The following ZBTB40 variants were observed in gnomAD, a reference collection of about 807,000 sequenced individuals.
ZBTB40 encodes zinc finger and BTB domain containing 40, also known as zinc finger and BTB domain-containing protein 40.
A neutral mutation model predicts 117.5 loss-of-function variants in ZBTB40; 60 were observed. That is an observed-to-expected ratio of 0.51 (90% CI 0.41 to 0.63). The LOEUF (loss-of-function observed/expected upper bound fraction) is 0.63. ZBTB40 is among the 30% of genes least tolerant of loss of function. The pLI, the probability that ZBTB40 is intolerant of heterozygous loss-of-function variation, is 0.00. For synonymous variants in ZBTB40, 525 were observed against 577.1 expected (o/e 0.91, Z 1.29); for missense variants, 1,287 against 1,498.5 (o/e 0.86, Z 2.33).
At chr1:22,502,719 A>ATGGATGGT (rs1167128380) in intron 5 of ZBTB40, among the ~76,000 whole-genome samples, 3 of 151,914 alleles carry the variant, frequency 2.0e-5, no homozygotes, top group African/African-American at 7.2e-5. Context: ...AGATGGATGG[A>ATGGATGGT]TGGACGGACG....
chr1:22,508,188 G>C, intron 7 of ZBTB40, 51 bp downstream of exon 7: 1 of 1,572,954 alleles, frequency 6.4e-7, no homozygotes, highest in Non-Finnish European at 8.7e-7. Context: ...GAGAAAGAAG[G>C]AAAAAATATG....
At chr1:22,516,265 T>C (rs1175771222) in intron 12 of ZBTB40, among the ~76,000 whole-genome samples, 1 of 152,148 alleles carries the variant, frequency 6.6e-6, no homozygotes, top group East Asian at 1.9e-4. Context: ...TTATGTGAAG[T>C]ATGTTAGTTT....
At chr1:22,434,604 A>C (rs921599928) in intron 1 of ZBTB40, among the ~76,000 whole-genome samples, 1 of 152,206 alleles carries the variant, frequency 6.6e-6, no homozygotes, top group South Asian at 2.1e-4. Flanking sequence ...TCCTAGCATA[A>C]GATGTGAGGT....
rs1437052644 is a variant in ZBTB40, at chr1:22,526,808, C to G, written c.*412C>G. ...GCAGTTAGATATGGGACTTGGCCCA[C>G]AGTGGGGGCTGCAAATGCTGCCACT... On this transcript the variant is annotated 3_prime_UTR_variant, in exon 18 of 18. Coordinates refer to ENST00000375647, the MANE Select transcript of ZBTB40 (RefSeq NM_014870.4). 2 of 290,584 alleles carry G rather than the reference C, an allele frequency of 6.9e-6. No individual in the cohort carries two copies. The highest frequency in any genetic ancestry group is 3.4e-5 in the South Asian group (1 of 29,832). 18.0% of individuals were successfully genotyped at this position (290,584 alleles called of 1,614,324 possible).
At chr1:22,515,555 G>T (rs141875857) in intron 12 of ZBTB40, among the ~76,000 whole-genome samples, 2 of 152,230 alleles carry the variant, frequency 1.3e-5, no homozygotes, top group Non-Finnish European at 2.9e-5. Context: ...GACGTTGCCC[G>T]CATTCCCTGG....
chr1:22,429,448 T>C (rs976309142), intron 1 of ZBTB40, among the ~76,000 whole-genome samples: 2 of 152,180 alleles, frequency 1.3e-5, no homozygotes. Flanking sequence ...ATTTTTTTTT[T>C]CTAATAGTTT....
rs1639754846 is a variant in ZBTB40 at position 22,528,900 on chromosome 1, A to G, written c.*2504A>G. 1 of 152,280 alleles carries G rather than the reference A, an allele frequency of 6.6e-6. No homozygotes were observed. Among genetic ancestry groups the G allele is most frequent in the African/African-American group, 2.4e-5 (1 of 41,400 alleles). 9.4% of individuals were successfully genotyped at this position (152,280 alleles called of 1,614,324 possible). A position where few individuals can be genotyped will look rare whatever the true frequency, so the allele number is the denominator to read the frequency against. On this transcript the variant is annotated 3_prime_UTR_variant, in exon 18 of 18. Transcript: ENST00000375647. ...TTTTCTTCGGAATCACCAGATTTGC[A>G]GCTTACTGTGCCGAGAGTGGACTGG...
chr1:22,473,128 G>A (rs967300179), intron 1 of ZBTB40, among the ~76,000 whole-genome samples: 1 of 152,196 alleles, frequency 6.6e-6, no homozygotes, highest in Non-Finnish European at 1.5e-5. Flanking sequence ...AGGTATTGTT[G>A]TACAGCACTT....
intron 1 of ZBTB40, among the ~76,000 whole-genome samples, chr1:22,437,842 C>T (rs566326823): frequency 2.8e-5 from 4 of 142,014 alleles, no homozygotes; most frequent in South Asian, 2.5e-4. Flanking sequence ...AACCAAAACT[C>T]TGGTCGGGTG....
intron 1 of ZBTB40, among the ~76,000 whole-genome samples, chr1:22,470,096 C>A (rs1641364595): frequency 6.6e-6 from 1 of 152,152 alleles, no homozygotes; most frequent in Non-Finnish European, 1.5e-5. Context: ...TATCTTGGTT[C>A]AAATACTGGC....
chr1:22,433,453 A>AAAAAAAAAAAAAAAAAAAAC (rs1640627399), intron 1 of ZBTB40, among the ~76,000 whole-genome samples: 1 of 142,152 alleles, frequency 7.0e-6, no homozygotes, highest in Non-Finnish European at 1.5e-5. Flanking sequence ...AAAAAAAAAA[A>AAAAAAAAAAAAAAAAAAAAC]AAAAGACAGC....
At position 22,526,233 on chromosome 1, in the gene ZBTB40, CAG is replaced by C; in HGVS notation, c.3560_3561del (p.Glu1187AlafsTer30). 1 of 1,614,204 alleles carries C rather than the reference CAG, an allele frequency of 6.2e-7. No individual in the cohort carries two copies. The highest frequency in any genetic ancestry group is 8.5e-7 in the Non-Finnish European group (1 of 1,180,042). ...CAAACCCCAGAGCCGGTGGCCCCGA[CAG>C]AGCAGGTGATCACTTTGGAGGAGAC... On this transcript the variant is annotated frameshift_variant, in exon 18 of 18. Transcript: ENST00000375647. LOFTEE classifies it high-confidence loss of function.
intron 1 of ZBTB40, among the ~76,000 whole-genome samples, chr1:22,456,686 T>A (rs1487940892): frequency 1.3e-5 from 2 of 152,220 alleles, no homozygotes; most frequent in Non-Finnish European, 2.9e-5. Context: ...TTTTAAGTCT[T>A]TTCAGGCTTT....
At chr1:22,474,595 G>A (rs1641510396) in intron 1 of ZBTB40, among the ~76,000 whole-genome samples, 1 of 152,106 alleles carries the variant, frequency 6.6e-6, no homozygotes, top group Non-Finnish European at 1.5e-5. Context: ...TCTTGTTTCT[G>A]AATGTGTGAT....
At chr1:22,498,662 T>A (rs1638844662) in intron 3 of ZBTB40, among the ~76,000 whole-genome samples, 1 of 152,150 alleles carries the variant, frequency 6.6e-6, no homozygotes. Context: ...GCAGAGAGGA[T>A]AATGAGAAGC....
Position 22,489,955 on chromosome 1 carries a change from C to T in ZBTB40, c.7C>T (p.Leu3Phe). 1 of 1,611,202 alleles carries T rather than the reference C, an allele frequency of 6.2e-7. No individual in the cohort carries two copies. Among genetic ancestry groups the T allele is most frequent in the African/African-American group, 1.3e-5 (1 of 74,980 alleles). ME[L>F]PNYSRQLLQQ... The stretch of plus-strand genomic sequence containing the variant: ...TTGGGGCAGAGTTGACGCAATGGAG[C>T]TCCCCAACTACAGCCGGCAGCTGCT... Residue 3 changes from leucine (L) to phenylalanine (F), a missense_variant, in exon 2 of 18, where the codon CTC (leucine) becomes TTC (phenylalanine). Leu to Phe is a conservative substitution (Grantham distance 22). This residue lies in a region of ZBTB40 where 870 missense variants were observed against 934.4 expected (regional missense o/e 0.93). Transcript: ENST00000375647.
intron 1 of ZBTB40, among the ~76,000 whole-genome samples, chr1:22,476,150 T>C (rs1430532760): frequency 6.6e-6 from 1 of 152,246 alleles, no homozygotes; most frequent in East Asian, 1.9e-4. Context: ...CCATGTTTTG[T>C]ACAAACTTAG....
At chr1:22,474,393 A>G (rs531873171) in intron 1 of ZBTB40, among the ~76,000 whole-genome samples, 3 of 152,216 alleles carry the variant, frequency 2.0e-5, no homozygotes, top group African/African-American at 7.2e-5. Flanking sequence ...GTACAAGAGA[A>G]CAGACCAAAT....
Position 22,433,432 on chromosome 1 carries a change from C to CAAAAAAAAAAAAAAAA in ZBTB40, c.-70+4428_-70+4443dup, listed in dbSNP as rs767913519. ...TGGGCGACAGAGCAAGACGCCCTCT[C>CAAAAAAAAAAAAAAAA]AAAAAAAAAAAAAAAAAAAAAAAAA... On this transcript the variant is annotated intron_variant, in intron 1 of 8. Coordinates refer to the ZBTB40 transcript ENST00000650433. Among the ~76,000 whole-genome samples the CAAAAAAAAAAAAAAAA allele has an allele frequency of 8.7e-3, 76 of 8,758 alleles. 16 individuals are homozygous for CAAAAAAAAAAAAAAAA. Among genetic ancestry groups the CAAAAAAAAAAAAAAAA allele is most frequent in the East Asian group, 0.029 (3 of 102 alleles). 5.7% of individuals were successfully genotyped at this position (8,758 alleles called of 152,430 possible).
Sources: allele counts gnomAD v4.1 joint callset (sites outside exome capture counted in the v4.1 genomes callset), GRCh38; gene constraint gnomAD v4.1.1; regional missense constraint gnomAD v4.1.1; transcripts MANE v1.5; gene names NCBI Gene and HGNC (gene_info 2026-07-23, HGNC 2026-07-21).